Variants in GNA14 observed in about 807,000 individuals in gnomAD.
The protein encoded by GNA14 is guanine nucleotide-binding protein subunit alpha-14.
Under a neutral mutation model 42.0 loss-of-function variants are expected in GNA14, and 50 were observed. That is an observed-to-expected ratio of 1.19 (90% confidence interval 0.95 to 1.51). GNA14 has a LOEUF of 1.51. Among genes scored for constraint, GNA14 ranks in the 40% most tolerant of loss-of-function variants. GNA14 has a pLI of 0.00. For missense variants in GNA14, 473 were observed against 446.2 expected (o/e 1.06, Z -0.54); for synonymous variants, 173 against 163.1 (o/e 1.06, Z -0.46).
In GNA14 at chr9:77,608,732, G is replaced by GT. The variant is rs111701182; in HGVS notation, c.124+38937dup. Among the ~76,000 whole-genome samples, 631 of 121,128 alleles carry GT rather than the reference G, an allele frequency of 5.2e-3. 10 individuals carry two copies. Among genetic ancestry groups the GT allele is most frequent in the African/African-American group, 0.011 (371 of 33,852 alleles). 79.5% of individuals were successfully genotyped at this position (121,128 alleles called of 152,430 possible). A position where few individuals can be genotyped will look rare whatever the true frequency, so the allele number is the denominator to read the frequency against. ...GACAATGTACGAAGCCCAATATCCT[G>GT]TTTTTTTTTTTTTTTGCTTTTTAAT... is the stretch of plus-strand genomic sequence containing the variant. On this transcript the variant is annotated intron_variant, in intron 1 of 6. Coordinates refer to ENST00000341700, the MANE Select transcript of GNA14 (RefSeq NM_004297.4).
intron 2 of GNA14, among the ~76,000 whole-genome samples, chr9:77,477,155 G>A (rs911312307): frequency 2.0e-5 from 3 of 152,086 alleles, no homozygotes; most frequent in African/African-American, 7.2e-5. Context: ...CCAGGAGCTC[G>A]AGACGAGCCG....
At chr9:77,527,594 T>C (rs371558904) in intron 2 of GNA14, among the ~76,000 whole-genome samples, 7 of 152,238 alleles carry the variant, frequency 4.6e-5, no homozygotes, top group African/African-American at 1.4e-4. Flanking sequence ...AAAGATTGGA[T>C]ACCCTTGCTG....
At chr9:77,468,521 T>C (rs904565594) in intron 2 of GNA14, among the ~76,000 whole-genome samples, 5 of 152,334 alleles carry the variant, frequency 3.3e-5, no homozygotes, top group East Asian at 1.9e-4. Flanking sequence ...GTTTGCTATA[T>C]AGAGTAGACA....
intron 2 of GNA14, among the ~76,000 whole-genome samples, chr9:77,493,022 A>ATATATATATATAT (rs1183078215): frequency 3.1e-4 from 23 of 74,938 alleles, no homozygotes; most frequent in African/African-American, 1.2e-3. Flanking sequence ...AAAAAAAAAA[A>ATATATATATATAT]AAAAATATAT....
At chr9:77,641,584 G>A (rs1248728225) in intron 1 of GNA14, among the ~76,000 whole-genome samples, 1 of 151,358 alleles carries the variant, frequency 6.6e-6, no homozygotes, top group Non-Finnish European at 1.5e-5. Flanking sequence ...TAAAAAAAAA[G>A]GGAGAGGGGA....
intron 2 of GNA14, among the ~76,000 whole-genome samples, chr9:77,440,835 C>A (rs1835719976): frequency 6.6e-6 from 1 of 152,080 alleles, no homozygotes; most frequent in African/African-American, 2.4e-5. Context: ...CCTGCCTCGT[C>A]CCCCTGAGTA....
At chr9:77,502,153 CTTAT>C (rs1836987269) in intron 2 of GNA14, among the ~76,000 whole-genome samples, 1 of 152,094 alleles carries the variant, frequency 6.6e-6, no homozygotes, top group African/African-American at 2.4e-5. Context: ...CTCTATATGT[CTTAT>C]TTCTTTGTTG....
At chr9:77,520,589 G>A (rs1837341063) in intron 2 of GNA14, among the ~76,000 whole-genome samples, 1 of 151,622 alleles carries the variant, frequency 6.6e-6, no homozygotes, top group Non-Finnish European at 1.5e-5. Context: ...TATTTGAGAT[G>A]GAGTCTTGCT....
intron 2 of GNA14, among the ~76,000 whole-genome samples, chr9:77,454,322 C>G (rs1467751552): frequency 1.3e-5 from 2 of 152,184 alleles, no homozygotes; most frequent in Non-Finnish European, 1.5e-5. Flanking sequence ...CTGTGAACCC[C>G]CTTTGTTTTT....
At chr9:77,581,565 G>A (rs965495162) in intron 1 of GNA14, among the ~76,000 whole-genome samples, 10 of 152,142 alleles carry the variant, frequency 6.6e-5, no homozygotes, top group African/African-American at 1.7e-4. Context: ...CACAGTGGCC[G>A]GACATAAGGG....
chr9:77,450,088 G>A (rs1835880590), intron 2 of GNA14, among the ~76,000 whole-genome samples: 1 of 152,214 alleles, frequency 6.6e-6, no homozygotes, highest in Middle Eastern at 3.2e-3. Context: ...CAGGGCATTT[G>A]TCCCAGGGCT....
intron 2 of GNA14, among the ~76,000 whole-genome samples, chr9:77,474,325 T>A (rs1255497359): frequency 1.3e-5 from 2 of 152,178 alleles, no homozygotes; most frequent in African/African-American, 4.8e-5. Flanking sequence ...AAGAATGCAA[T>A]TTTAAAATGA....
At chr9:77,589,394 T>C (rs1185099419) in intron 1 of GNA14, among the ~76,000 whole-genome samples, 1 of 152,200 alleles carries the variant, frequency 6.6e-6, no homozygotes, top group Non-Finnish European at 1.5e-5. Context: ...TCGGTTTTCT[T>C]TTTTTGTTTT....
chr9:77,425,778 G>T, intron 5 of GNA14, 63 bp from the exon 6 acceptor site: 2 of 1,164,550 alleles, frequency 1.7e-6, no homozygotes, highest in Non-Finnish European at 2.5e-6. Context: ...ACAACATGGC[G>T]CATTGCCAGT....
chr9:77,537,073 G>C (rs1837607204), intron 1 of GNA14, among the ~76,000 whole-genome samples: 2 of 152,022 alleles, frequency 1.3e-5, no homozygotes, highest in Non-Finnish European at 2.9e-5. Flanking sequence ...ATGTCTCTGT[G>C]TCAGTAACAT....
intron 2 of GNA14, among the ~76,000 whole-genome samples, chr9:77,445,881 T>C (rs1835809835): frequency 6.6e-6 from 1 of 152,246 alleles, no homozygotes; most frequent in East Asian, 1.9e-4. Flanking sequence ...CCTCCTCTAG[T>C]TGACAGAGTT....
At chr9:77,557,005 T>A (rs1227364267) in intron 1 of GNA14, among the ~76,000 whole-genome samples, 1 of 152,170 alleles carries the variant, frequency 6.6e-6, no homozygotes, top group African/African-American at 2.4e-5. Context: ...CCACACAGCA[T>A]GGGTTACCAC....
chr9:77,461,079 T>C (rs1412346274), intron 2 of GNA14, among the ~76,000 whole-genome samples: 1 of 152,238 alleles, frequency 6.6e-6, no homozygotes, highest in Non-Finnish European at 1.5e-5. Flanking sequence ...CCTTCACTCA[T>C]GCTGATCAGT....
At chr9:77,599,758 C>T (rs1823524718) in intron 1 of GNA14, among the ~76,000 whole-genome samples, 2 of 152,158 alleles carry the variant, frequency 1.3e-5, no homozygotes, top group East Asian at 3.9e-4. Context: ...TGGCATTTCT[C>T]CTAGTGAGAC....
Sources: gnomAD v4.1 joint callset for allele counts (sites outside exome capture counted in the v4.1 genomes callset) on GRCh38, gnomAD v4.1.1 for gene constraint, MANE v1.5 for transcripts, NCBI Gene and HGNC (gene_info 2026-07-23, HGNC 2026-07-21) for gene names.